The following COPB1 variants were observed in gnomAD, a reference collection of about 807,000 sequenced individuals.
COPB1 encodes coatomer subunit beta.
In COPB1, 21 loss-of-function variants were observed where a neutral mutation model predicts 108.7. The ratio of observed to expected loss-of-function variants is 0.19; its 90% CI spans 0.14 to 0.28. The LOEUF is 0.28. Ranked by LOEUF, COPB1 falls within the 10% of genes least tolerant of loss-of-function variation. The pLI is 1.00. For missense variants in COPB1, 919 were observed against 1,141.3 expected, an observed-to-expected ratio of 0.81 and a Z score of 2.81; for synonymous variants, 378 against 386.8, an observed-to-expected ratio of 0.98 and a Z score of 0.27.
rs201780513 is a variant in COPB1, at chr11:14,494,458, T to TA, written c.92-20dup. On this transcript the variant is annotated intron_variant, in intron 2 of 21. Transcript: ENST00000439561. ...CCTTTTTCTGAATCAAAAATTTTTT[T>TA]AAAAAAAAGCACAATTATTTCAAAA... is the stretch of plus-strand genomic sequence containing the variant. The TA allele has an allele frequency of 2.4e-5, 31 of 1,288,982 alleles. No individual in the cohort carries two copies. The highest frequency in any genetic ancestry group is 2.8e-5 in the Non-Finnish European group (26 of 921,128). The allele number at this position is 1,288,982 out of a possible 1,614,324, so 79.8% of individuals were successfully genotyped here.
At chr11:14,467,553 A>G (rs149678830) in intron 16 of COPB1, among the ~76,000 whole-genome samples, 9 of 152,322 alleles carry the variant, frequency 5.9e-5, no homozygotes, top group African/African-American at 2.2e-4. Context: ...ACCCAAAAGA[A>G]CTAAAAGCAG....
intron 11 of COPB1, among the ~76,000 whole-genome samples, chr11:14,479,135 T>C (rs974839684): frequency 6.6e-6 from 1 of 152,164 alleles, no homozygotes; most frequent in Admixed American, 6.5e-5. Flanking sequence ...AGACTATCCA[T>C]CAGATGCTTT....
intron 7 of COPB1, among the ~76,000 whole-genome samples, chr11:14,485,794 G>A (rs1850756983): frequency 6.6e-6 from 1 of 152,156 alleles, no homozygotes; most frequent in East Asian, 1.9e-4. Context: ...GATGCAGTGA[G>A]CCAAGATTGC....
At chr11:14,472,420 G>A (rs1850428610) in intron 14 of COPB1, among the ~76,000 whole-genome samples, 1 of 152,206 alleles carries the variant, frequency 6.6e-6, no homozygotes, top group African/African-American at 2.4e-5. Context: ...TCCACTGACA[G>A]AGCACAGACA....
intron 2 of COPB1, among the ~76,000 whole-genome samples, chr11:14,495,159 T>C (rs1158139666): frequency 6.6e-6 from 1 of 152,206 alleles, no homozygotes; most frequent in Non-Finnish European, 1.5e-5. Context: ...CGCAAAACTA[T>C]CTAAAATTTC....
intron 20 of COPB1, among the ~76,000 whole-genome samples, chr11:14,459,616 G>A (rs534109674): frequency 3.4e-4 from 51 of 152,072 alleles, no homozygotes; most frequent in African/African-American, 1.2e-3. Context: ...ACAAATAAAC[G>A]ATTTTATTTA....
At chr11:14,474,753 C>G (rs1850482330) in intron 13 of COPB1, 138 bp from the exon 14 acceptor site, 1 of 1,242,172 alleles carries the variant, frequency 8.1e-7, no homozygotes, top group Non-Finnish European at 1.1e-6. Flanking sequence ...TAACTAACTC[C>G]TTAGCTCCCA....
Position 14,486,512 on chromosome 11 carries a change from A to G in COPB1, c.700-8T>C, listed in dbSNP as rs1850778950. ...TGGATTAGCATGACAGACCTGGAGAAGAAAACATTAACATTTCAACCGATT... is the reference window on the plus strand; with the variant it reads ...TGGATTAGCATGACAGACCTGGAGAGGAAAACATTAACATTTCAACCGATT... On this transcript the variant is annotated splice_region_variant and splice_polypyrimidine_tract_variant and intron_variant, in intron 6 of 21. Transcript: ENST00000439561. The G allele has an allele frequency of 6.2e-7, 1 of 1,611,816 alleles. No individual in the cohort carries two copies. Among genetic ancestry groups the G allele is most frequent in the East Asian group, 2.2e-5 (1 of 44,864 alleles).
chr11:14,482,627 T>C (rs982282659), intron 8 of COPB1, among the ~76,000 whole-genome samples: 2 of 152,078 alleles, frequency 1.3e-5, no homozygotes, highest in South Asian at 2.1e-4. Context: ...CTCTGCCTCC[T>C]GGGTTCAAGT....
intron 19 of COPB1, 64 bp downstream of exon 19, chr11:14,461,122 C>T: frequency 1.9e-6 from 3 of 1,592,758 alleles, no homozygotes; most frequent in Non-Finnish European, 2.6e-6. Flanking sequence ...TATTAGCAGA[C>T]TCCTCAACAG....
chr11:14,475,475 C>T (rs1197269973), intron 13 of COPB1, among the ~76,000 whole-genome samples: 1 of 152,206 alleles, frequency 6.6e-6, no homozygotes, highest in Non-Finnish European at 1.5e-5. Context: ...AAAATGTTTT[C>T]AGATGCTAAT....
chr11:14,477,048 G>A (rs1208746544), intron 11 of COPB1, 33 bp from the exon 12 acceptor site: 3 of 1,368,228 alleles, frequency 2.2e-6, no homozygotes, highest in African/African-American at 2.9e-5. Flanking sequence ...ACATGAACTT[G>A]GCAGACAAAT....
intron 4 of COPB1, among the ~76,000 whole-genome samples, chr11:14,491,143 C>T (rs1184585930): frequency 6.6e-6 from 1 of 152,010 alleles, no homozygotes; most frequent in Non-Finnish European, 1.5e-5. Flanking sequence ...CCTTCTAGGT[C>T]GAGTGATTCT....
Position 14,490,754 on chromosome 11 carries a change from C to T in COPB1, c.492-75G>A, listed in dbSNP as rs553187858. 1.8e-4 allele frequency: 128 copies of T among 719,398 alleles called. No individual in the cohort carries two copies. In the African/African-American group the frequency reaches 2.2e-3, roughly 12 times the overall value. 44.6% of individuals were successfully genotyped at this position (719,398 alleles called of 1,614,324 possible). ...ATTTTAGTAACTCTCTGGACAATAC[C>T]AAAATTAAATTTAATCAAACTTTAC... On this transcript the variant is annotated intron_variant, in intron 4 of 21. Transcript: ENST00000439561.
At position 14,494,429 on chromosome 11, in the gene COPB1, A is replaced by G. The variant is rs1457571582; in HGVS notation, c.102T>C (p.Asp34=). 3.2e-6 allele frequency: 5 copies of G among 1,548,910 alleles called. No individual in the cohort carries two copies. The highest frequency in any genetic ancestry group is 1.9e-5 in the Admixed American group (1 of 52,592). Residue 34 remains aspartate, a synonymous_variant, in exon 3 of 22, where the codon GAT becomes GAC. Coordinates refer to ENST00000439561, the MANE Select transcript of COPB1 (RefSeq NM_001144061.2). ...ISLKNDLEKG[D]VKSKTEALKK... is the part of the protein sequence containing the mutation. ...TCAAAGCTTCAGTCTTTGACTTTAC[A>G]TCTCCTTTTTCTGAATCAAAAATTT...
intron 14 of COPB1, among the ~76,000 whole-genome samples, chr11:14,472,604 T>C (rs927240264): frequency 5.3e-5 from 8 of 152,216 alleles, no homozygotes; most frequent in African/African-American, 1.9e-4. Context: ...CTAGATGGCA[T>C]CTTCTTCCAA....
chr11:14,494,723 T>C (rs965670648), intron 2 of COPB1: 4 of 292,916 alleles, frequency 1.4e-5, no homozygotes, highest in Non-Finnish European at 2.5e-5. Flanking sequence ...GCAGGCTCCA[T>C]GAATCTACAG....
intron 8 of COPB1, among the ~76,000 whole-genome samples, 158 bp from the exon 9 acceptor site, chr11:14,481,255 T>C (rs913569136): frequency 2.6e-5 from 4 of 152,242 alleles, no homozygotes; most frequent in Non-Finnish European, 5.9e-5. Context: ...TTGGGTCTCC[T>C]GATACACTGC....
At chr11:14,466,248 G>C in intron 17 of COPB1, 34 bp downstream of exon 17, 1 of 1,605,776 alleles carries the variant, frequency 6.2e-7, no homozygotes, top group Non-Finnish European at 8.5e-7. Context: ...TCTACTATGT[G>C]ACAATCTCTT....
Sources: gnomAD v4.1 joint callset for allele counts (sites outside exome capture counted in the v4.1 genomes callset) on GRCh38, gnomAD v4.1.1 for gene constraint, MANE v1.5 for transcripts, NCBI Gene and HGNC (gene_info 2026-07-23, HGNC 2026-07-21) for gene names.